PTPRD: variants seen among roughly 807,000 people sequenced by gnomAD.
PTPRD encodes protein tyrosine phosphatase receptor type D.
In PTPRD, 34 loss-of-function variants were observed where a neutral mutation model predicts 214.5. The observed-to-expected ratio is 0.16, with a 90% CI of 0.12 to 0.21. The LOEUF is 0.21. PTPRD is among the 10% of genes least tolerant of loss of function. The probability of loss-of-function intolerance (pLI) is 1.00; values close to 1 mark genes in which losing one functional copy is unlikely to be tolerated. For missense variants in PTPRD, 2,545 were observed against 2,398.7 expected (o/e 1.06, Z -1.27); for synonymous variants, 1,128 against 845.7 (o/e 1.33, Z -5.79).
At chr9:9,139,805 G>A (rs184626462) in intron 10 of PTPRD, among the ~76,000 whole-genome samples, 1 of 152,284 alleles carries the variant, frequency 6.6e-6, no homozygotes, top group Non-Finnish European at 1.5e-5. Flanking sequence ...GAGAACCACT[G>A]TACCGGCAAC....
At chr9:9,364,485 T>C (rs1350107288) in intron 9 of PTPRD, among the ~76,000 whole-genome samples, 2 of 151,410 alleles carry the variant, frequency 1.3e-5, no homozygotes, top group African/African-American at 4.8e-5. Context: ...TAGAAGGTGA[T>C]ATTTGAGCAA....
chr9:10,254,321 G>C (rs1029745912), intron 3 of PTPRD, among the ~76,000 whole-genome samples: 2 of 152,166 alleles, frequency 1.3e-5, no homozygotes, highest in African/African-American at 2.4e-5. Flanking sequence ...TTGCTTAATA[G>C]TGTTTTGGAT....
At chr9:9,087,923 G>C (rs1217562821) in intron 10 of PTPRD, among the ~76,000 whole-genome samples, 1 of 105,420 alleles carries the variant, frequency 9.5e-6, no homozygotes, top group Non-Finnish European at 1.7e-5. Flanking sequence ...GTCTCACTCT[G>C]TTGCCTAGGC....
chr9:9,459,077 G>A (rs533402057), intron 8 of PTPRD, among the ~76,000 whole-genome samples: 1 of 152,066 alleles, frequency 6.6e-6, no homozygotes. Flanking sequence ...GTGTGGAAAA[G>A]GAAACCAGAA....
chr9:9,123,131 A>C (rs1342709482), intron 10 of PTPRD, among the ~76,000 whole-genome samples: 3 of 152,164 alleles, frequency 2.0e-5, no homozygotes, highest in Admixed American at 6.5e-5. Flanking sequence ...TTGGTGGAAA[A>C]GTGTCTGCCA....
At chr9:9,411,612 T>C (rs2141934923) in intron 8 of PTPRD, among the ~76,000 whole-genome samples, 1 of 152,310 alleles carries the variant, frequency 6.6e-6, no homozygotes, top group East Asian at 1.9e-4. Context: ...AGCTAAATTG[T>C]TGTATGCTGC....
At chr9:9,796,745 G>C (rs1046656030) in intron 5 of PTPRD, among the ~76,000 whole-genome samples, 6 of 152,146 alleles carry the variant, frequency 3.9e-5, no homozygotes, top group African/African-American at 1.2e-4. Context: ...AAATAGCAAA[G>C]TCTTCAGGAA....
chr9:9,875,057 A>C (rs1055386882), intron 5 of PTPRD, among the ~76,000 whole-genome samples: 1 of 152,168 alleles, frequency 6.6e-6, no homozygotes, highest in Admixed American at 6.5e-5. Context: ...AACACAATGG[A>C]TAAGTTTTAA....
At chr9:9,449,414 A>G (rs1375687913) in intron 8 of PTPRD, among the ~76,000 whole-genome samples, 1 of 40,032 alleles carries the variant, frequency 2.5e-5, no homozygotes, top group Admixed American at 2.3e-4. Context: ...ATTGCTATAT[A>G]TATATTTTTA....
intron 2 of PTPRD, among the ~76,000 whole-genome samples, chr9:10,519,695 C>T (rs551624242): frequency 6.6e-6 from 1 of 152,212 alleles, no homozygotes; most frequent in Admixed American, 6.5e-5. Flanking sequence ...CCCTGTGTCA[C>T]ATTTTGGTAA....
At chr9:9,484,357 T>A (rs139230477) in intron 8 of PTPRD, among the ~76,000 whole-genome samples, 124 of 152,208 alleles carry the variant, frequency 8.1e-4, no homozygotes, top group Admixed American at 1.2e-3. Flanking sequence ...GACATGGTAA[T>A]AGAATCAGCA....
At chr9:8,755,994 T>A (rs188781779) in intron 11 of PTPRD, among the ~76,000 whole-genome samples, 1 of 152,206 alleles carries the variant, frequency 6.6e-6, no homozygotes, top group Non-Finnish European at 1.5e-5. Context: ...TAAACATTAG[T>A]ATGTGTGTAG....
intron 7 of PTPRD, among the ~76,000 whole-genome samples, chr9:9,718,884 T>C (rs1193373705): frequency 6.6e-6 from 1 of 152,180 alleles, no homozygotes; most frequent in Non-Finnish European, 1.5e-5. Flanking sequence ...AAAGACAGCC[T>C]GGACACCATG....
chr9:8,439,700 G>T (rs1276815429), intron 34 of PTPRD, among the ~76,000 whole-genome samples: 2 of 151,792 alleles, frequency 1.3e-5, no homozygotes, highest in African/African-American at 4.8e-5. Flanking sequence ...TCAAAATATT[G>T]TTACACAATT....
chr9:8,486,947 G>A (rs938983658), intron 27 of PTPRD, among the ~76,000 whole-genome samples: 4 of 152,002 alleles, frequency 2.6e-5, no homozygotes, highest in African/African-American at 9.7e-5. Context: ...TCTGTCTGGA[G>A]TCGACTGCTT....
chr9:9,095,522 C>T (rs1374713895), intron 10 of PTPRD, among the ~76,000 whole-genome samples: 2 of 152,040 alleles, frequency 1.3e-5, no homozygotes, highest in African/African-American at 2.4e-5. Flanking sequence ...ACAGGCAGGG[C>T]CTTAGGAAGT....
chr9:9,810,089 G>A (rs1565436090), intron 5 of PTPRD, among the ~76,000 whole-genome samples: 1 of 131,440 alleles, frequency 7.6e-6, no homozygotes, highest in African/African-American at 3.1e-5. Context: ...GCTACTCAGT[G>A]TAAAGATGAA....
chr9:9,773,108 G>A (rs944658329), intron 5 of PTPRD, among the ~76,000 whole-genome samples: 17 of 152,076 alleles, frequency 1.1e-4, no homozygotes. Flanking sequence ...TGAATTTTAT[G>A]GTTTTAGATG....
intron 5 of PTPRD, among the ~76,000 whole-genome samples, chr9:9,839,735 G>A (rs184889245): frequency 6.6e-6 from 1 of 152,184 alleles, no homozygotes; most frequent in Non-Finnish European, 1.5e-5. Context: ...AAAAGAGCCC[G>A]CATCGCCAAG....
Sources: allele counts gnomAD v4.1 joint callset (sites outside exome capture counted in the v4.1 genomes callset), GRCh38; gene constraint gnomAD v4.1.1; transcripts MANE v1.5; gene names NCBI Gene and HGNC (gene_info 2026-07-23, HGNC 2026-07-21).